Variants in PHF14 observed in about 807,000 individuals in gnomAD.
PHF14 encodes PHD finger protein 14.
A neutral mutation model predicts 117.9 loss-of-function variants in PHF14; 55 were observed. The ratio of observed to expected loss-of-function variants is 0.47; its 90% CI spans 0.38 to 0.58. PHF14 has a LOEUF of 0.58. Ranked by LOEUF, PHF14 falls within the 20% of genes least tolerant of loss-of-function variation. The probability of loss-of-function intolerance (pLI) is 0.00; values close to 1 mark genes in which losing one functional copy is unlikely to be tolerated. For missense variants in PHF14, 978 were observed against 1,122.2 expected (o/e 0.87, Z 1.84); for synonymous variants, 409 against 368.6 (o/e 1.11, Z -1.26).
At chr7:11,062,351 C>G (rs1785255582) in intron 16 of PHF14, 1 of 238,402 alleles carries the variant, frequency 4.2e-6, no homozygotes, top group Non-Finnish European at 8.0e-6. Flanking sequence ...TGACAGTGCT[C>G]TCTATTTAGA....
At chr7:11,144,855 A>C (rs1201282231) in intron 17 of PHF14, among the ~76,000 whole-genome samples, 3 of 151,938 alleles carry the variant, frequency 2.0e-5, no homozygotes, top group African/African-American at 7.2e-5. Context: ...ACAAAAAGAC[A>C]GATACTGTGA....
intron 17 of PHF14, among the ~76,000 whole-genome samples, chr7:11,128,813 G>T (rs1322090575): frequency 2.7e-5 from 4 of 149,726 alleles, no homozygotes; most frequent in Non-Finnish European, 3.0e-5. Context: ...TTTGCAAAAA[G>T]CCTCATATAT....
chr7:11,063,371 A>C, intron 16 of PHF14: 1 of 983,568 alleles, frequency 1.0e-6, no homozygotes, highest in Non-Finnish European at 1.2e-6. Context: ...CGAAAATGAA[A>C]TCCCAAGCAT....
chr7:11,071,350 G>A (rs1412355302), intron 16 of PHF14: 1 of 499,842 alleles, frequency 2.0e-6, no homozygotes, highest in African/African-American at 2.0e-5. Context: ...AAGCTATTCT[G>A]TGATTATGTA....
intron 16 of PHF14, chr7:11,107,853 C>A: frequency 2.2e-6 from 1 of 458,104 alleles, no homozygotes; most frequent in Non-Finnish European, 2.9e-6. Context: ...CATGTGTTTC[C>A]AAGTTTATGT....
At position 10,973,898 on chromosome 7, in the gene PHF14, T is replaced by A. The variant is rs1337639127; in HGVS notation, c.-426T>A. The A allele has an allele frequency of 5.8e-6, 1 of 171,436 alleles. No homozygotes were observed. Among genetic ancestry groups the A allele is most frequent in the Non-Finnish European group, 1.3e-5 (1 of 79,426 alleles). The allele number at this position is 171,436 out of a possible 1,614,324, so 10.6% of individuals were successfully genotyped here. ...CTTCCTTTTCAGAGCTGTATCCGGG[T>A]CGCTGCTTTCCCTATTGTCTGAGGC... On this transcript the variant is annotated 5_prime_UTR_variant, in exon 1 of 18. Transcript: ENST00000634607.
In PHF14 at chr7:11,160,549, C is replaced by G. The variant is rs183823835; in HGVS notation, c.2773-8867C>G. 1.3e-4 allele frequency among the ~76,000 whole-genome samples: 20 copies of G among 152,260 alleles called. No homozygotes were observed. In the East Asian group the frequency reaches 3.9e-3, roughly 29 times the overall value. On this transcript the variant is annotated intron_variant, in intron 17 of 17. Coordinates refer to ENST00000634607, the MANE Select transcript of PHF14 (RefSeq NM_001007157.2). ...AGCATTCCTTTTTCTCTGCAGCCTT[C>G]CCAGCATCGTTGTTTTTTGACTTTT...
chr7:11,080,624 C>T (rs1786061870), intron 16 of PHF14, among the ~76,000 whole-genome samples: 1 of 152,162 alleles, frequency 6.6e-6, no homozygotes, highest in South Asian at 2.1e-4. Context: ...TACATTTAGT[C>T]AGCAATTCTT....
At chr7:11,067,612 C>A (rs925303548) in intron 16 of PHF14, among the ~76,000 whole-genome samples, 1 of 152,148 alleles carries the variant, frequency 6.6e-6, no homozygotes, top group Non-Finnish European at 1.5e-5. Flanking sequence ...TATGTATATT[C>A]TCTTAGTCCA....
At chr7:11,067,522 A>G (rs549518987) in intron 16 of PHF14, among the ~76,000 whole-genome samples, 5 of 152,344 alleles carry the variant, frequency 3.3e-5, no homozygotes, top group South Asian at 2.1e-4. Context: ...TTTCATAGCA[A>G]CATTATTCAC....
At chr7:11,052,793 T>C (rs1305317322) in intron 14 of PHF14, among the ~76,000 whole-genome samples, 2 of 152,178 alleles carry the variant, frequency 1.3e-5, no homozygotes, top group Non-Finnish European at 2.9e-5. Context: ...CACCAGTTTT[T>C]CTGTTGGGGT....
In PHF14 at chr7:11,036,701, A is replaced by G. The variant is rs1192815826; in HGVS notation, c.1873+13A>G. ...AATTATTATTTTGGTCAGTATAGACACTGGTACATGCACATTTTCACTGAG... is the reference window on the plus strand; with the variant it reads ...AATTATTATTTTGGTCAGTATAGACGCTGGTACATGCACATTTTCACTGAG... On this transcript the variant is annotated intron_variant, in intron 9 of 17. Transcript: ENST00000634607. 1.1e-5 allele frequency: 17 copies of G among 1,604,584 alleles called. No individual in the cohort carries two copies. The highest frequency in any genetic ancestry group is 1.7e-5 in the Admixed American group (1 of 59,572).
Position 11,066,364 on chromosome 7 carries a change from A to G in PHF14, c.2654+4279A>G, listed in dbSNP as rs181127546. The stretch of plus-strand genomic sequence containing the variant: ...AGCCTCTGCCTCCCGGGCTCAAGCA[A>G]TCCTCTCACCTCAGCCTCCCGAGTA... On this transcript the variant is annotated intron_variant, in intron 16 of 17. Coordinates refer to ENST00000634607, the MANE Select transcript of PHF14 (RefSeq NM_001007157.2). Among the ~76,000 whole-genome samples the G allele has an allele frequency of 2.6e-4, 40 of 152,310 alleles. No homozygotes were observed. In the East Asian group the frequency reaches 3.7e-3, roughly 14 times the overall value.
At chr7:11,079,608 A>T (rs949139717) in intron 16 of PHF14, among the ~76,000 whole-genome samples, 7 of 152,184 alleles carry the variant, frequency 4.6e-5, no homozygotes, top group African/African-American at 1.7e-4. Context: ...CTTCATTAAA[A>T]AGAAACCAAA....
intron 14 of PHF14, among the ~76,000 whole-genome samples, chr7:11,052,206 T>G (rs1041290950): frequency 2.0e-5 from 3 of 152,218 alleles, no homozygotes; most frequent in Non-Finnish European, 2.9e-5. Flanking sequence ...GGTTTATTTT[T>G]GTAGGTTTTG....
intron 14 of PHF14, among the ~76,000 whole-genome samples, chr7:11,059,977 C>G (rs1320286178): frequency 6.6e-6 from 1 of 152,236 alleles, no homozygotes; most frequent in East Asian, 1.9e-4. Flanking sequence ...CTCAAGTTAT[C>G]TTCCCACCAC....
intron 16 of PHF14, among the ~76,000 whole-genome samples, chr7:11,086,670 A>G (rs1786421175): frequency 6.6e-6 from 1 of 152,172 alleles, no homozygotes; most frequent in African/African-American, 2.4e-5. Context: ...TACTTATTTA[A>G]TATTTTAAAA....
At chr7:11,009,316 A>G (rs1469551378) in intron 4 of PHF14, among the ~76,000 whole-genome samples, 1 of 152,186 alleles carries the variant, frequency 6.6e-6, no homozygotes, top group African/African-American at 2.4e-5. Context: ...GAACATTTCC[A>G]CTGATTTGAA....
In PHF14 at chr7:10,982,735, C is replaced by T. The variant is rs1314587279; in HGVS notation, c.476C>T (p.Ala159Val). Reference sequence around the variant, plus strand: ...ACCACACCAGCCACAAGTCCTCCTGCTGTTAACACATCCCCTTCTGTTCCC... The same window carrying T: ...ACCACACCAGCCACAAGTCCTCCTGTTGTTAACACATCCCCTTCTGTTCCC... ...AATTPATSPPAVNTSPSVPTT... is the reference protein window; with the variant it reads ...AATTPATSPPVVNTSPSVPTT... The change falls in exon 3 of 18, where the codon GCT becomes GTT. Residue 159 changes from alanine (A) to valine (V), a missense_variant. This residue lies in a region of PHF14 where 414 missense variants were observed against 376.4 expected (regional missense o/e 1.10). Transcript: ENST00000634607. 8.1e-6 allele frequency: 13 copies of T among 1,613,460 alleles called. No homozygotes were observed. In the Admixed American group the frequency reaches 2.0e-4, roughly 25 times the overall value.
Sources: allele counts gnomAD v4.1 joint callset (sites outside exome capture counted in the v4.1 genomes callset), GRCh38; gene constraint gnomAD v4.1.1; regional missense constraint gnomAD v4.1.1; transcripts MANE v1.5; gene names NCBI Gene and HGNC (gene_info 2026-07-23, HGNC 2026-07-21).